DPP10: variants seen among roughly 807,000 people sequenced by gnomAD.
DPP10 encodes dipeptidyl peptidase like 10.
Under a neutral mutation model 120.9 loss-of-function variants are expected in DPP10, and 33 were observed. That is an observed-to-expected ratio of 0.27 (90% CI 0.21 to 0.37). The LOEUF (loss-of-function observed/expected upper bound fraction) is 0.37, where lower values mean the gene tolerates loss of function less well. Among genes scored for constraint, DPP10 ranks in the 10% least tolerant of loss-of-function variants. DPP10 has a pLI of 1.00. For missense variants in DPP10, 816 were observed against 942.8 expected, an observed-to-expected ratio of 0.87 and a Z score of 1.76; for synonymous variants, 337 against 326.1, an observed-to-expected ratio of 1.03 and a Z score of -0.36.
chr2:115,479,160 C>T (rs2075278401), intron 3 of DPP10, among the ~76,000 whole-genome samples: 1 of 152,056 alleles, frequency 6.6e-6, no homozygotes, highest in African/African-American at 2.4e-5. Flanking sequence ...ACCTAAGTGT[C>T]CATTGATGGA....
intron 5 of DPP10, among the ~76,000 whole-genome samples, chr2:115,612,751 G>A (rs1246990000): frequency 6.6e-6 from 1 of 152,018 alleles, no homozygotes; most frequent in African/African-American, 2.4e-5. Context: ...CTCTCATAAA[G>A]CTGTATTAAT....
chr2:115,747,829 G>A (rs112609642), intron 10 of DPP10, among the ~76,000 whole-genome samples: 22 of 152,162 alleles, frequency 1.4e-4, no homozygotes, highest in African/African-American at 4.3e-4. Flanking sequence ...TCTTGACCTC[G>A]TGATCCGCCC....
intron 5 of DPP10, among the ~76,000 whole-genome samples, chr2:115,555,849 G>T (rs1386378203): frequency 1.3e-5 from 2 of 152,036 alleles, no homozygotes; most frequent in East Asian, 3.9e-4. Context: ...TATTACTGAT[G>T]AAATGTGTAT....
At chr2:115,085,838 T>C (rs1708647921) in intron 1 of DPP10, among the ~76,000 whole-genome samples, 1 of 152,228 alleles carries the variant, frequency 6.6e-6, no homozygotes, top group Non-Finnish European at 1.5e-5. Flanking sequence ...CACATACATA[T>C]GTGCCATCAC....
At chr2:115,808,202 T>C (rs1686237030) in intron 19 of DPP10, among the ~76,000 whole-genome samples, 1 of 152,226 alleles carries the variant, frequency 6.6e-6, no homozygotes, top group Non-Finnish European at 1.5e-5. Flanking sequence ...GTAACTATAA[T>C]TCAAGCCAGC....
intron 19 of DPP10, among the ~76,000 whole-genome samples, chr2:115,802,208 A>G (rs112257153): frequency 0.019 from 2,844 of 152,246 alleles, 99 homozygotes; most frequent in African/African-American, 0.064. Context: ...TAGATTTTCT[A>G]TTTTATTTGC....
intron 5 of DPP10, among the ~76,000 whole-genome samples, chr2:115,602,679 G>T (rs1468695890): frequency 3.9e-5 from 6 of 152,024 alleles, no homozygotes; most frequent in Non-Finnish European, 7.4e-5. Flanking sequence ...ACACCTGTTT[G>T]CAAGGTGACA....
intron 1 of DPP10, among the ~76,000 whole-genome samples, chr2:114,534,561 G>T (rs1421097202): frequency 6.6e-6 from 1 of 152,196 alleles, no homozygotes; most frequent in Non-Finnish European, 1.5e-5. Context: ...TGTAACAGCA[G>T]AAATCTGACT....
chr2:115,493,334 G>C (rs1202065282), intron 3 of DPP10, among the ~76,000 whole-genome samples: 1 of 151,804 alleles, frequency 6.6e-6, no homozygotes, highest in African/African-American at 2.4e-5. Flanking sequence ...TTGAGGGAGA[G>C]TAGAGCCAAA....
chr2:115,634,305 AT>A (rs1217360654), intron 5 of DPP10, among the ~76,000 whole-genome samples: 1 of 152,042 alleles, frequency 6.6e-6, no homozygotes, highest in East Asian at 1.9e-4. Flanking sequence ...AGTTTTCAAC[AT>A]TTTTTCATTG....
At chr2:115,762,795 A>G (rs1680273165) in intron 12 of DPP10, among the ~76,000 whole-genome samples, 185 bp downstream of exon 12, 1 of 152,158 alleles carries the variant, frequency 6.6e-6, no homozygotes, top group African/African-American at 2.4e-5. Flanking sequence ...TGAAAAGGTT[A>G]CTTCCATTTT....
chr2:114,808,025 C>G (rs923185984), intron 1 of DPP10, among the ~76,000 whole-genome samples: 1 of 152,218 alleles, frequency 6.6e-6, no homozygotes, highest in Non-Finnish European at 1.5e-5. Flanking sequence ...AGTCAAATTT[C>G]TTACAAGTGG....
At chr2:114,954,122 C>T (rs1698019416) in intron 1 of DPP10, among the ~76,000 whole-genome samples, 1 of 134,442 alleles carries the variant, frequency 7.4e-6, no homozygotes, top group South Asian at 2.4e-4. Flanking sequence ...ACTCTGTAGC[C>T]CAGGCTGGAG....
chr2:114,854,674 G>T (rs1406756579), intron 1 of DPP10, among the ~76,000 whole-genome samples: 1 of 152,178 alleles, frequency 6.6e-6, no homozygotes, highest in Non-Finnish European at 1.5e-5. Flanking sequence ...TATGGAAATT[G>T]TAAGGAGTTG....
intron 1 of DPP10, among the ~76,000 whole-genome samples, chr2:115,264,418 G>C (rs1312340880): frequency 6.6e-6 from 1 of 152,102 alleles, no homozygotes; most frequent in Non-Finnish European, 1.5e-5. Context: ...GATAGGGCAG[G>C]ATCGCATAAA....
rs147687183 is a variant in DPP10, at chr2:114,853,515, A to G, written c.60+410677A>G. ...GCCCATGCACTATTAATTTTTATAG[A>G]TGCTGTGATGGTTTAAAAGATGTTC... On this transcript the variant is annotated intron_variant, in intron 1 of 25. Transcript: ENST00000410059. Among the ~76,000 whole-genome samples the G allele has an allele frequency of 1.7e-3, 266 of 152,162 alleles. 1 individual carries two copies. Among genetic ancestry groups the G allele is most frequent in the Non-Finnish European group, 3.4e-3 (233 of 68,000 alleles).
chr2:114,765,789 A>G (rs753821213), intron 1 of DPP10, among the ~76,000 whole-genome samples: 1 of 152,202 alleles, frequency 6.6e-6, no homozygotes, highest in Admixed American at 6.5e-5. Flanking sequence ...CATTGAAAAT[A>G]TTGGAAATGA....
intron 1 of DPP10, among the ~76,000 whole-genome samples, chr2:115,042,882 C>T (rs1704772923): frequency 6.6e-6 from 1 of 152,184 alleles, no homozygotes. Context: ...AGCTAATAAT[C>T]AAGGACTCTG....
At chr2:115,070,585 T>A in intron 1 of DPP10, among the ~76,000 whole-genome samples, 1 of 152,152 alleles carries the variant, frequency 6.6e-6, no homozygotes, top group East Asian at 1.9e-4. Context: ...CAGACACATT[T>A]ATTGGCATGC....
Sources: allele counts gnomAD v4.1 joint callset (sites outside exome capture counted in the v4.1 genomes callset), GRCh38; gene constraint gnomAD v4.1.1; transcripts MANE v1.5; gene names NCBI Gene and HGNC (gene_info 2026-07-23, HGNC 2026-07-21).